PAM: variants seen among roughly 807,000 people sequenced by gnomAD.
The protein encoded by PAM is peptidyl-glycine alpha-amidating monooxygenase.
In PAM, 72 loss-of-function variants were observed where a neutral mutation model predicts 122.1. That is an observed-to-expected ratio of 0.59 (90% confidence interval 0.49 to 0.72). The LOEUF (loss-of-function observed/expected upper bound fraction) is 0.72, where lower values mean the gene tolerates loss of function less well. Ranked by LOEUF, PAM falls within the 30% of genes least tolerant of loss-of-function variation. PAM has a pLI of 0.00. For synonymous variants in PAM, 389 were observed against 404.4 expected (o/e 0.96, Z 0.46); for missense variants, 1,106 against 1,183.7 (o/e 0.93, Z 0.96).
intron 5 of PAM, among the ~76,000 whole-genome samples, chr5:102,924,738 CA>C (rs754344958): frequency 0.021 from 2,877 of 134,870 alleles, 45 homozygotes; most frequent in African/African-American, 0.059. Context: ...TCATATCAGG[CA>C]AAAAAAAAAA....
intron 3 of PAM, among the ~76,000 whole-genome samples, chr5:102,891,124 T>C (rs1199273092): frequency 1.3e-5 from 2 of 151,888 alleles, no homozygotes; most frequent in African/African-American, 4.8e-5. Flanking sequence ...TATAAAAGGT[T>C]TTTAGTCATG....
intron 5 of PAM, among the ~76,000 whole-genome samples, chr5:102,914,709 T>C (rs1230336633): frequency 6.6e-6 from 1 of 152,066 alleles, no homozygotes; most frequent in Non-Finnish European, 1.5e-5. Flanking sequence ...AAGCTCAAAG[T>C]GATTCAGTAA....
intron 7 of PAM, among the ~76,000 whole-genome samples, chr5:102,939,307 A>C (rs1457987609): frequency 6.6e-6 from 1 of 152,006 alleles, no homozygotes; most frequent in Non-Finnish European, 1.5e-5. Flanking sequence ...TCCATCTTTA[A>C]AAACTTTCAA....
intron 2 of PAM, among the ~76,000 whole-genome samples, chr5:102,867,065 A>G (rs7720341): frequency 0.09 from 13,642 of 152,174 alleles, 1,509 homozygotes; most frequent in African/African-American, 0.25. Flanking sequence ...GTTATATTTT[A>G]TTTACAAATT....
At chr5:102,935,612 G>GT (rs923664646) in intron 7 of PAM, among the ~76,000 whole-genome samples, 2 of 152,080 alleles carry the variant, frequency 1.3e-5, no homozygotes, top group Admixed American at 1.3e-4. Flanking sequence ...TCGCTCGACA[G>GT]TTTTTCCAGT....
At chr5:102,858,529 C>T (rs2150833101) in intron 1 of PAM, among the ~76,000 whole-genome samples, 1 of 152,086 alleles carries the variant, frequency 6.6e-6, no homozygotes, top group East Asian at 1.9e-4. Flanking sequence ...TATATAGCCA[C>T]CATAACATTT....
chr5:102,918,560 A>G (rs918548529), intron 5 of PAM, among the ~76,000 whole-genome samples: 2 of 152,110 alleles, frequency 1.3e-5, no homozygotes, highest in East Asian at 1.9e-4. Flanking sequence ...AATTTTGAGG[A>G]TATCTTGGAA....
At chr5:102,873,259 C>A (rs1211663774) in intron 3 of PAM, 5 of 152,142 alleles carry the variant, frequency 3.3e-5, no homozygotes, top group Non-Finnish European at 7.4e-5. Context: ...AAGGGAGACA[C>A]CCCACACCAC....
intron 24 of PAM, among the ~76,000 whole-genome samples, chr5:103,026,300 G>C (rs55896090): frequency 0.25 from 37,905 of 151,950 alleles, 5,212 homozygotes; most frequent in East Asian, 0.45. Flanking sequence ...GGGAGCATTT[G>C]ATCAAGAAAC....
intron 3 of PAM, among the ~76,000 whole-genome samples, chr5:102,895,303 G>A (rs575675090): frequency 6.6e-6 from 1 of 151,892 alleles, no homozygotes; most frequent in East Asian, 1.9e-4. Context: ...ACTTAAAACA[G>A]TAAAAATTTA....
At chr5:103,025,093 G>A (rs777555506) in intron 23 of PAM, 38 bp from the exon 24 acceptor site, 7 of 1,462,426 alleles carry the variant, frequency 4.8e-6, no homozygotes, top group Admixed American at 3.4e-5. Context: ...TGAAATCTTT[G>A]AGTCAGTTGA....
chr5:102,755,651 C>T (rs1432932394), intron 1 of PAM, among the ~76,000 whole-genome samples: 1 of 152,054 alleles, frequency 6.6e-6, no homozygotes, highest in African/African-American at 2.4e-5. Context: ...TCCTCCCCTC[C>T]GGTCCTTCTC....
At position 102,767,885 on chromosome 5, in the gene PAM, C is replaced by T. The variant is rs571668511; in HGVS notation, c.-374+12537C>T. Among the ~76,000 whole-genome samples, 199 of 152,200 alleles carry T rather than the reference C, an allele frequency of 1.3e-3. 2 individuals carry two copies. Among genetic ancestry groups the T allele is most frequent in the African/African-American group, 4.5e-3 (188 of 41,532 alleles). On this transcript the variant is annotated intron_variant, in intron 1 of 25. Coordinates refer to ENST00000438793, the MANE Select transcript of PAM (RefSeq NM_001177306.2). ...CAAGTAGATGTTGGAAAATGAGGCT[C>T]ACAGAGGTTAAAGTAGTTGGCCCAA...
At chr5:102,967,715 C>T (rs1427934477) in intron 14 of PAM, among the ~76,000 whole-genome samples, 4 of 138,068 alleles carry the variant, frequency 2.9e-5, no homozygotes, top group Admixed American at 7.2e-5. Context: ...GAAAACTAGG[C>T]CTTTTTTTTT....
intron 1 of PAM, among the ~76,000 whole-genome samples, chr5:102,786,329 A>C (rs926024662): frequency 2.0e-5 from 3 of 152,232 alleles, no homozygotes; most frequent in Admixed American, 2.0e-4. Flanking sequence ...AGTATTATTC[A>C]TCTCAGGCTT....
At chr5:102,849,327 G>C (rs545532072) in intron 1 of PAM, among the ~76,000 whole-genome samples, 3 of 152,250 alleles carry the variant, frequency 2.0e-5, no homozygotes, top group Admixed American at 6.5e-5. Flanking sequence ...GGGAGGCCAA[G>C]GCAGGCGGAT....
At position 103,019,868 on chromosome 5, in the gene PAM, A is replaced by G. The variant is rs370349192; in HGVS notation, c.2485+25A>G. The stretch of plus-strand genomic sequence containing the variant: ...GGTTGGTCAGATTCCTCTTATTACT[A>G]TAAAACCAAAGTCTGGCTGTGTTGA... On this transcript the variant is annotated intron_variant, in intron 23 of 25. Coordinates refer to ENST00000438793, the MANE Select transcript of PAM (RefSeq NM_001177306.2). 8.2e-6 allele frequency: 12 copies of G among 1,455,726 alleles called. No individual in the cohort carries two copies. The Admixed American group carries it at 1.7e-4, about 20-fold the overall frequency. 90.2% of individuals were successfully genotyped at this position (1,455,726 alleles called of 1,614,324 possible).
chr5:103,026,352 A>G (rs1388877887), intron 24 of PAM, among the ~76,000 whole-genome samples: 1 of 152,222 alleles, frequency 6.6e-6, no homozygotes, highest in Admixed American at 6.5e-5. Context: ...CATGGCAGGG[A>G]TTCAGTGCCC....
chr5:102,789,831 T>C (rs1761581665), intron 1 of PAM, among the ~76,000 whole-genome samples: 1 of 152,028 alleles, frequency 6.6e-6, no homozygotes, highest in Non-Finnish European at 1.5e-5. Context: ...ATAGCAAAAC[T>C]TACTAAAATG....
Sources: gnomAD v4.1 joint callset for allele counts (sites outside exome capture counted in the v4.1 genomes callset) on GRCh38, gnomAD v4.1.1 for gene constraint, MANE v1.5 for transcripts, NCBI Gene and HGNC (gene_info 2026-07-23, HGNC 2026-07-21) for gene names.